Variants in FADS3 observed in about 807,000 individuals in gnomAD.
FADS3 encodes the protein cytochrome b5-related protein.
FADS3 carries 30 observed loss-of-function variants against 60.4 expected under a neutral mutation model. The observed-to-expected ratio is 0.50, with a 90% CI of 0.37 to 0.67. The LOEUF (loss-of-function observed/expected upper bound fraction) is 0.67, where lower values mean the gene tolerates loss of function less well. Ranked by LOEUF, FADS3 falls within the 30% of genes least tolerant of loss-of-function variation. The probability of loss-of-function intolerance (pLI) is 0.00; values close to 1 mark genes in which losing one functional copy is unlikely to be tolerated. For synonymous variants in FADS3, 234 were observed against 249.3 expected, an observed-to-expected ratio of 0.94 and a Z score of 0.58; for missense variants, 432 against 598.3, an observed-to-expected ratio of 0.72 and a Z score of 2.90.
At chr11:61,883,446 G>A (rs1938203209) in intron 1 of FADS3, among the ~76,000 whole-genome samples, 1 of 152,072 alleles carries the variant, frequency 6.6e-6, no homozygotes, top group Non-Finnish European at 1.5e-5. Context: ...AAACTCCCCA[G>A]ACACACACGC....
chr11:61,881,896 G>C (rs1434754847), intron 1 of FADS3: 1 of 151,994 alleles, frequency 6.6e-6, no homozygotes, highest in Non-Finnish European at 1.5e-5. Flanking sequence ...ACAGAGGAGG[G>C]GGCTGTATAA....
chr11:61,876,959 AAATCCT>A lies in FADS3; in HGVS notation c.886-2_889del. On this transcript the variant is annotated splice_acceptor_variant and coding_sequence_variant, in exon 8 of 12. Transcript: ENST00000278829. LOFTEE classifies it high-confidence loss of function. This position sits in a 1 kb window ranked among gnomAD's most constrained non-coding sequence, Gnocchi z 5.7. The stretch of plus-strand genomic sequence containing the variant: ...GGCATAGAAGCTGGCGGCCCAGAGC[AAATCCT>A]GCAGAGGAGGGCAGAGGCGATACCG... 1 of 1,599,272 alleles carries A rather than the reference AAATCCT, an allele frequency of 6.3e-7. No individual in the cohort carries two copies.
At position 61,877,062 on chromosome 11, in the gene FADS3, T is replaced by C. The variant is rs776843580; in HGVS notation, c.886-99A>G. The C allele has an allele frequency of 1.3e-6, 1 of 788,360 alleles. No homozygotes were observed. Among genetic ancestry groups the C allele is most frequent in the Non-Finnish European group, 2.0e-6 (1 of 501,924 alleles). 48.8% of individuals were successfully genotyped at this position (788,360 alleles called of 1,614,324 possible). A position where few individuals can be genotyped will look rare whatever the true frequency, so the allele number is the denominator to read the frequency against. On this transcript the variant is annotated intron_variant, in intron 7 of 11. Transcript: ENST00000278829. The surrounding 1 kb of genome is among the most constrained non-coding windows in gnomAD (Gnocchi z 4.7). The stretch of plus-strand genomic sequence containing the variant: ...GAGGACCTCAGGCATCCAACCCTTC[T>C]GCCTGATTTGCCTCAGAGCCCAGGA...
chr11:61,879,893 C>T (rs1591194763), intron 2 of FADS3, 148 bp downstream of exon 2: 2 of 636,488 alleles, frequency 3.1e-6, no homozygotes, highest in Non-Finnish European at 5.4e-6. Context: ...TGCCTGCCCC[C>T]TGGGAGGGGA....
Position 61,878,595 on chromosome 11 carries a change from G to A in FADS3, c.664C>T (p.His222Tyr). ...AHWWNFRHFQ[H>Y]HAKPNIFHKD... ...TGGAAGATGTTGGGCTTGGCGTGGTGCTGGAAGTGGCGGAAGTTCCACCAG... is the reference window on the plus strand; with the variant it reads ...TGGAAGATGTTGGGCTTGGCGTGGTACTGGAAGTGGCGGAAGTTCCACCAG... The change falls in exon 5 of 12, where the codon CAC becomes TAC. Residue 222 changes from histidine to tyrosine, a missense_variant. Around this residue, in one of 5 missense-constraint regions of FADS3, gnomAD observed 116 missense variants for 208.9 expected, o/e 0.56. Transcript: ENST00000278829. The A allele has an allele frequency of 6.2e-7, 1 of 1,614,194 alleles. No homozygotes were observed. The highest frequency in any genetic ancestry group is 8.5e-7 in the Non-Finnish European group (1 of 1,180,032).
At chr11:61,890,567 G>T (rs981260150) in intron 1 of FADS3, among the ~76,000 whole-genome samples, 2 of 152,190 alleles carry the variant, frequency 1.3e-5, no homozygotes, top group Non-Finnish European at 2.9e-5. Context: ...CAGGGGCTGG[G>T]ATTGGGAAGT....
Position 61,873,871 on chromosome 11 carries a change from AG to A in FADS3, c.1287-7del. ...CACCAGACTTCTTCAGGGACCTGGG[AG>A]GTGGGGGTGGCAGTGGGGGTGGGTG... On this transcript the variant is annotated splice_region_variant and splice_polypyrimidine_tract_variant and intron_variant, in intron 11 of 11. Transcript: ENST00000278829. 1.1e-6 allele frequency: 1 copy of A among 908,046 alleles called. No individual in the cohort carries two copies. The highest frequency in any genetic ancestry group is 1.6e-6 in the Non-Finnish European group (1 of 627,868). 56.2% of individuals were successfully genotyped at this position (908,046 alleles called of 1,614,324 possible). A position where few individuals can be genotyped will look rare whatever the true frequency, so the allele number is the denominator to read the frequency against.
intron 1 of FADS3, among the ~76,000 whole-genome samples, chr11:61,885,514 A>T (rs1463303442): frequency 6.6e-6 from 1 of 152,164 alleles, no homozygotes; most frequent in Non-Finnish European, 1.5e-5. Flanking sequence ...ACTTAGAGGT[A>T]AGTGCCTGCA....
intron 1 of FADS3, among the ~76,000 whole-genome samples, chr11:61,887,384 C>G (rs891939260): frequency 6.6e-6 from 1 of 152,170 alleles, no homozygotes; most frequent in Non-Finnish European, 1.5e-5. Flanking sequence ...CTTCTCTTAC[C>G]CTTCTGGAAG....
intron 1 of FADS3, among the ~76,000 whole-genome samples, chr11:61,884,845 C>T (rs1009779173): frequency 3.3e-5 from 5 of 152,214 alleles, no homozygotes; most frequent in African/African-American, 1.2e-4. Context: ...GTGCTGGAAT[C>T]AAAACGGCAC....
At chr11:61,875,522 C>T (rs894775031) in intron 11 of FADS3, among the ~76,000 whole-genome samples, 11 of 152,064 alleles carry the variant, frequency 7.2e-5, no homozygotes, top group Admixed American at 1.3e-4. Context: ...CGTGAGCCAC[C>T]GCACCCGGCC....
Position 61,878,508 on chromosome 11 carries a change from C to CCACCCATCCGT in FADS3, c.747+3_747+4insACGGATGGGTG. 6.2e-7 allele frequency: 1 copy of CCACCCATCCGT among 1,613,414 alleles called. No individual in the cohort carries two copies. The highest frequency in any genetic ancestry group is 8.5e-7 in the Non-Finnish European group (1 of 1,179,596). The stretch of plus-strand genomic sequence containing the variant: ...AGAGGTTGTCCACGTCCCTCCCCAC[C>CCACCCATCCGT]CACCTCGACGGATGACTCCCCCAGG... On this transcript the variant is annotated splice_donor_region_variant and intron_variant, in intron 5 of 11. Coordinates refer to ENST00000278829, the MANE Select transcript of FADS3 (RefSeq NM_021727.5).
intron 6 of FADS3, 78 bp downstream of exon 6, chr11:61,878,077 G>A: frequency 7.5e-7 from 1 of 1,330,124 alleles, no homozygotes; most frequent in Non-Finnish European, 1.1e-6. Context: ...GGAAGTGGCT[G>A]GGAGTGGTCC....
intron 1 of FADS3, among the ~76,000 whole-genome samples, chr11:61,887,093 G>A (rs1477181627): frequency 6.6e-6 from 1 of 152,262 alleles, no homozygotes; most frequent in African/African-American, 2.4e-5. Flanking sequence ...GCACCCAGGT[G>A]CCCAGCACCA....
rs551857097 is a variant in FADS3, at chr11:61,875,991, C to T, written c.1161-15G>A. ...TGGGGAAGAGGCTGGGGGTGGGGAG[C>T]GTATGCTGGCACCTGAAGTGGGAGA... is the stretch of plus-strand genomic sequence containing the variant. On this transcript the variant is annotated splice_polypyrimidine_tract_variant and intron_variant, in intron 10 of 11. Transcript: ENST00000278829. 12 of 1,613,396 alleles carry T rather than the reference C, an allele frequency of 7.4e-6. No individual in the cohort carries two copies. The highest frequency in any genetic ancestry group is 1.7e-4 in the Middle Eastern group (1 of 6,058).
In FADS3 at chr11:61,876,227, T is replaced by C. The variant is rs1399802542; in HGVS notation, c.1081-37A>G. ...CGGCGGGGCACATGTGAGGAGGCCG[T>C]TGCAGATCCCTGACCCCACGGCACC... On this transcript the variant is annotated intron_variant, in intron 9 of 11. Coordinates refer to ENST00000278829, the MANE Select transcript of FADS3 (RefSeq NM_021727.5). The surrounding 1 kb of genome is among the most constrained non-coding windows in gnomAD (Gnocchi z 5.7). The C allele has an allele frequency of 6.3e-7, 1 of 1,581,390 alleles. No individual in the cohort carries two copies. Among genetic ancestry groups the C allele is most frequent in the Non-Finnish European group, 8.6e-7 (1 of 1,164,032 alleles).
At chr11:61,874,331 GC>G (rs1157840462) in intron 11 of FADS3, among the ~76,000 whole-genome samples, 4 of 152,236 alleles carry the variant, frequency 2.6e-5, no homozygotes, top group Admixed American at 1.3e-4. Flanking sequence ...GGGGCTCAGA[GC>G]ATCAGGCTGG....
At chr11:61,879,978 C>T (rs1357729822) in intron 2 of FADS3, 63 bp downstream of exon 2, 1 of 1,380,216 alleles carries the variant, frequency 7.2e-7, no homozygotes, top group Non-Finnish European at 1.0e-6. Flanking sequence ...GTGGCAATGT[C>T]TCCCAGCCCT....
chr11:61,888,852 C>T (rs1938399220), intron 1 of FADS3, among the ~76,000 whole-genome samples: 1 of 152,118 alleles, frequency 6.6e-6, no homozygotes, highest in Non-Finnish European at 1.5e-5. Flanking sequence ...CTCAGTGCCT[C>T]CAATAGCAGA....
Sources: allele counts gnomAD v4.1 joint callset (sites outside exome capture counted in the v4.1 genomes callset), GRCh38; gene constraint gnomAD v4.1.1; regional missense constraint gnomAD v4.1.1; non-coding constraint Gnocchi (gnomAD v3.1); transcripts MANE v1.5; gene names NCBI Gene and HGNC (gene_info 2026-07-23, HGNC 2026-07-21).